CCND3: variants seen among roughly 807,000 people sequenced by gnomAD.
CCND3 encodes cyclin D3.
A neutral mutation model predicts 28.7 loss-of-function variants in CCND3; 9 were observed. That is an observed-to-expected ratio of 0.31 (90% CI 0.19 to 0.55). The LOEUF is 0.55. CCND3 is among the 20% of genes least tolerant of loss of function. CCND3 has a pLI of 0.93. For synonymous variants in CCND3, 164 were observed against 163.9 expected (o/e 1.00, Z 0.00); for missense variants, 315 against 385.8 (o/e 0.82, Z 1.54).
chr6:41,970,906 G>C (rs2127407871), intron 1 of CCND3, among the ~76,000 whole-genome samples: 1 of 149,186 alleles, frequency 6.7e-6, no homozygotes, highest in South Asian at 2.2e-4. Flanking sequence ...CCACAAACTT[G>C]CTCCAGTTTC....
rs186154524 is a variant in CCND3, at chr6:41,983,927, T to G, written c.-45-43342A>C. On this transcript the variant is annotated intron_variant, in intron 1 of 4. Coordinates refer to the CCND3 transcript ENST00000372988. ...TATTTATCCTATCAAACTGAAACTG[T>G]ACCCTTTGACCAACATTCCCCATTC... 3.6e-3 allele frequency among the ~76,000 whole-genome samples: 553 copies of G among 152,240 alleles called. 1 individual carries two copies. Among genetic ancestry groups the G allele is most frequent in the African/African-American group, 0.013 (522 of 41,556 alleles).
intron 1 of CCND3, among the ~76,000 whole-genome samples, chr6:41,989,645 T>C (rs1364433697): frequency 6.6e-6 from 1 of 152,094 alleles, no homozygotes; most frequent in East Asian, 1.9e-4. Flanking sequence ...ATGCACCTAT[T>C]AGAATGACTG....
chr6:41,969,917 G>A (rs1229373992), intron 1 of CCND3, among the ~76,000 whole-genome samples: 4 of 151,422 alleles, frequency 2.6e-5, no homozygotes. Flanking sequence ...CTCTAAAATG[G>A]AATGGTGAGC....
intron 1 of CCND3, among the ~76,000 whole-genome samples, chr6:41,982,881 CAAAAAAA>C (rs56117421): frequency 2.0e-4 from 19 of 94,416 alleles, no homozygotes; most frequent in African/African-American, 5.7e-4. Flanking sequence ...CATCCACATG[CAAAAAAA>C]AAAAAAAAAA....
At chr6:41,941,853 G>C (rs1776044215), upstream of CCND3, 2 of 260,742 alleles carry the variant, frequency 7.7e-6, no homozygotes, top group Admixed American at 5.5e-5. This position sits in a 1 kb window ranked among gnomAD's most constrained non-coding sequence, Gnocchi z 6.1. Context: ...TGGAATGCTC[G>C]GACGTCGCAA....
At chr6:42,013,754 C>T (rs1045411087) in intron 1 of CCND3, among the ~76,000 whole-genome samples, 3 of 152,138 alleles carry the variant, frequency 2.0e-5, no homozygotes, top group Non-Finnish European at 2.9e-5. Flanking sequence ...TTCAGCAGTC[C>T]CTTCCAGCGC....
At chr6:41,997,041 C>T (rs546437757) in intron 1 of CCND3, among the ~76,000 whole-genome samples, 12 of 152,280 alleles carry the variant, frequency 7.9e-5, no homozygotes, top group Non-Finnish European at 1.6e-4. Context: ...ATCAAATGTC[C>T]CTGCCACATC....
chr6:41,995,075 A>C (rs1762762683), intron 1 of CCND3, among the ~76,000 whole-genome samples: 1 of 152,114 alleles, frequency 6.6e-6, no homozygotes, highest in Non-Finnish European at 1.5e-5. Context: ...CCGTCTCAAA[A>C]ATAGATAAAC....
At chr6:41,945,525 AG>A (rs1343763770), upstream of CCND3, among the ~76,000 whole-genome samples, 3 of 151,328 alleles carry the variant, frequency 2.0e-5, no homozygotes, top group Admixed American at 6.6e-5. Flanking sequence ...CAAAAAAAAA[AG>A]TCCGCATCTG....
chr6:41,970,333 G>A (rs1048674561), intron 1 of CCND3, among the ~76,000 whole-genome samples: 80 of 151,964 alleles, frequency 5.3e-4, no homozygotes, highest in African/African-American at 1.7e-3. Flanking sequence ...GCGAGACTCC[G>A]TCTCAAAAAT....
chr6:42,021,638 C>G (rs1036752163), intron 1 of CCND3, among the ~76,000 whole-genome samples: 1 of 152,146 alleles, frequency 6.6e-6, no homozygotes, highest in Non-Finnish European at 1.5e-5. Flanking sequence ...TGGATTTAAA[C>G]TGGGCTTTGA....
At chr6:42,038,062 T>A (rs887833704) in intron 1 of CCND3, among the ~76,000 whole-genome samples, 3 of 148,302 alleles carry the variant, frequency 2.0e-5, no homozygotes, top group Non-Finnish European at 3.0e-5. Context: ...TTCTTTGGGA[T>A]CCTCAATAAT....
At chr6:41,996,903 T>C (rs55863894) in intron 1 of CCND3, among the ~76,000 whole-genome samples, 1,531 of 152,212 alleles carry the variant, frequency 0.01, 36 homozygotes, top group African/African-American at 0.035. Flanking sequence ...GACCTCATGA[T>C]CCTCCCGCCT....
chr6:42,007,960 T>G (rs1763223412), intron 1 of CCND3, among the ~76,000 whole-genome samples: 1 of 149,992 alleles, frequency 6.7e-6, no homozygotes, highest in East Asian at 2.0e-4. Context: ...GCTGGCGGGG[T>G]GTGAAGGCTG....
chr6:41,945,112 A>G (rs1776136178), upstream of CCND3, among the ~76,000 whole-genome samples: 1 of 152,234 alleles, frequency 6.6e-6, no homozygotes, highest in South Asian at 2.1e-4. Flanking sequence ...AGAAAAAGTC[A>G]ATAAAATGGC....
Position 41,939,298 on chromosome 6 carries a change from C to G in CCND3, c.414+1072G>C, listed in dbSNP as rs1158438416. Reference sequence around the variant, plus strand: ...AGCAGCCTGCTTGCTGCCCTCCTCCCTGGGAGATGGGGCCCAGAGACTCCT... The same window carrying G: ...AGCAGCCTGCTTGCTGCCCTCCTCCGTGGGAGATGGGGCCCAGAGACTCCT... On this transcript the variant is annotated intron_variant, in intron 2 of 4. Coordinates refer to ENST00000372991, the MANE Select transcript of CCND3 (RefSeq NM_001760.5). This position sits in a 1 kb window ranked among gnomAD's most constrained non-coding sequence, Gnocchi z 4.2. Among the ~76,000 whole-genome samples, 1 of 152,132 alleles carries G rather than the reference C, an allele frequency of 6.6e-6. No individual in the cohort carries two copies. The highest frequency in any genetic ancestry group is 6.5e-5 in the Admixed American group (1 of 15,274).
intron 1 of CCND3, among the ~76,000 whole-genome samples, chr6:42,014,217 A>G (rs1215824626): frequency 6.6e-6 from 1 of 151,212 alleles, no homozygotes; most frequent in African/African-American, 2.4e-5. Context: ...TACAAAAAAA[A>G]TTAGCCGGGC....
intron 1 of CCND3, among the ~76,000 whole-genome samples, chr6:41,951,386 G>C (rs983742273): frequency 6.6e-6 from 1 of 151,416 alleles, no homozygotes. Flanking sequence ...AACCCCGTCT[G>C]TACTAAATAT....
intron 1 of CCND3, among the ~76,000 whole-genome samples, chr6:41,994,933 G>T (rs9357377): frequency 6.6e-6 from 1 of 151,772 alleles, no homozygotes; most frequent in South Asian, 2.1e-4. Flanking sequence ...TTAGCCAGGC[G>T]TGGTGGCAGC....
Sources: gnomAD v4.1 joint callset for allele counts (sites outside exome capture counted in the v4.1 genomes callset) on GRCh38, gnomAD v4.1.1 for gene constraint, Gnocchi (gnomAD v3.1) non-coding constraint, MANE v1.5 for transcripts, NCBI Gene and HGNC (gene_info 2026-07-23, HGNC 2026-07-21) for gene names.